Variants in RNGTT observed in about 807,000 individuals in gnomAD.
The protein encoded by RNGTT is mRNA-capping enzyme.
RNGTT carries 33 observed loss-of-function variants against 79.3 expected under a neutral mutation model. The observed-to-expected ratio is 0.42, with a 90% CI of 0.32 to 0.56. The LOEUF is 0.56. Among genes scored for constraint, RNGTT ranks in the 20% least tolerant of loss-of-function variants. RNGTT has a pLI of 0.17. For missense variants in RNGTT, 497 were observed against 739.1 expected, an observed-to-expected ratio of 0.67 and a Z score of 3.80; for synonymous variants, 222 against 235.9, an observed-to-expected ratio of 0.94 and a Z score of 0.54.
chr6:88,845,550 A>G (rs980378604), intron 10 of RNGTT, among the ~76,000 whole-genome samples: 1 of 152,202 alleles, frequency 6.6e-6, no homozygotes, highest in African/African-American at 2.4e-5. Flanking sequence ...ACACACCTTA[A>G]GTGCATTTTT....
At chr6:88,837,389 C>T (rs1781116377) in intron 11 of RNGTT, among the ~76,000 whole-genome samples, 1 of 151,946 alleles carries the variant, frequency 6.6e-6, no homozygotes, top group Non-Finnish European at 1.5e-5. Context: ...AGAGCAAGGC[C>T]CTGTCTTAAA....
At chr6:88,773,968 C>A (rs1427940237) in intron 12 of RNGTT, among the ~76,000 whole-genome samples, 1 of 151,988 alleles carries the variant, frequency 6.6e-6, no homozygotes, top group African/African-American at 2.4e-5. Flanking sequence ...TGGGCTTAAT[C>A]AAAATTAAAA....
At chr6:88,896,950 C>A (rs1329910295) in intron 6 of RNGTT, among the ~76,000 whole-genome samples, 1 of 152,158 alleles carries the variant, frequency 6.6e-6, no homozygotes, top group East Asian at 1.9e-4. Context: ...ACATCCTGCT[C>A]CATGGCACTA....
chr6:88,852,349 C>A (rs1195325481), intron 9 of RNGTT, among the ~76,000 whole-genome samples: 1 of 152,058 alleles, frequency 6.6e-6, no homozygotes, highest in Non-Finnish European at 1.5e-5. Flanking sequence ...TTACTTAAGT[C>A]TTTTCCTTTC....
At chr6:88,922,702 T>TA (rs1188574656) in intron 4 of RNGTT, among the ~76,000 whole-genome samples, 2 of 152,088 alleles carry the variant, frequency 1.3e-5, no homozygotes, top group Admixed American at 1.3e-4. Context: ...TAATTTTTTG[T>TA]ATTTTTTTAT....
intron 8 of RNGTT, among the ~76,000 whole-genome samples, chr6:88,873,112 A>G (rs1782407632): frequency 6.6e-6 from 1 of 152,184 alleles, no homozygotes; most frequent in Non-Finnish European, 1.5e-5. Flanking sequence ...AACTGAACCA[A>G]ATGGGTAGTG....
chr6:88,802,506 T>C (rs1178002982), intron 11 of RNGTT, among the ~76,000 whole-genome samples: 4 of 152,220 alleles, frequency 2.6e-5, no homozygotes, highest in Non-Finnish European at 5.9e-5. Flanking sequence ...CATGAATTTC[T>C]GCATTTTGGG....
intron 14 of RNGTT, among the ~76,000 whole-genome samples, chr6:88,620,272 C>G (rs1772394956): frequency 6.6e-6 from 1 of 152,196 alleles, no homozygotes; most frequent in Admixed American, 6.5e-5. Context: ...GCAGCTATAA[C>G]TCTACCTTAT....
intron 1 of RNGTT, 152 bp downstream of exon 1, chr6:88,963,194 C>CCAAA (rs113191249): frequency 0.088 from 62,030 of 702,172 alleles, 6,258 homozygotes; most frequent in African/African-American, 0.42. Context: ...GTTCATGTTC[C>CCAAA]CATTCATCCA....
chr6:88,716,167 G>C (rs1372439697), intron 13 of RNGTT, among the ~76,000 whole-genome samples: 1 of 151,990 alleles, frequency 6.6e-6, no homozygotes, highest in Non-Finnish European at 1.5e-5. Flanking sequence ...GATATGAACA[G>C]ACATTTCTCA....
chr6:88,711,483 C>CA (rs1776316609), intron 13 of RNGTT, among the ~76,000 whole-genome samples: 1 of 152,170 alleles, frequency 6.6e-6, no homozygotes, highest in African/African-American at 2.4e-5. Context: ...TAGTACTTTA[C>CA]AGTTATATAG....
intron 4 of RNGTT, among the ~76,000 whole-genome samples, chr6:88,909,837 C>A (rs910568219): frequency 5.3e-5 from 8 of 152,024 alleles, no homozygotes; most frequent in African/African-American, 1.9e-4. Flanking sequence ...GCCTGTGAAA[C>A]CCTCATAGAA....
chr6:88,755,936 G>T (rs1777997565), intron 13 of RNGTT, among the ~76,000 whole-genome samples: 1 of 130,164 alleles, frequency 7.7e-6, no homozygotes, highest in Non-Finnish European at 1.5e-5. Flanking sequence ...CTCCAGCCTG[G>T]CCAACAGAGT....
intron 4 of RNGTT, among the ~76,000 whole-genome samples, chr6:88,928,193 T>C (rs896199392): frequency 6.6e-6 from 1 of 152,002 alleles, no homozygotes. Flanking sequence ...GCCCGGGCGA[T>C]ACAGCAAGAC....
Position 88,891,912 on chromosome 6 carries a change from C to T in RNGTT, c.688G>A (p.Ala230Thr), listed in dbSNP as rs777686782. Residue 230 changes from alanine to threonine, a missense_variant, in exon 7 of 16, where the codon GCT becomes ACT. Coordinates refer to ENST00000369485, the MANE Select transcript of RNGTT (RefSeq NM_003800.5). ...KRRKERLKLG[A>T]IFLEGVTVKG... Reference sequence around the variant, plus strand: ...ACAGTAACACCTTCCAAGAAAATAGCGCCCTTTAAAAAAAAAATAAGAAAA... The same window carrying T: ...ACAGTAACACCTTCCAAGAAAATAGTGCCCTTTAAAAAAAAAATAAGAAAA... The T allele has an allele frequency of 5.9e-6, 9 of 1,531,412 alleles. No homozygotes were observed. Among genetic ancestry groups the T allele is most frequent in the African/African-American group, 2.9e-5 (2 of 69,880 alleles). 94.9% of individuals were successfully genotyped at this position (1,531,412 alleles called of 1,614,324 possible). A position where few individuals can be genotyped will look rare whatever the true frequency, so the allele number is the denominator to read the frequency against.
chr6:88,924,068 G>C (rs1252904196), intron 4 of RNGTT, among the ~76,000 whole-genome samples: 1 of 152,144 alleles, frequency 6.6e-6, no homozygotes, highest in Non-Finnish European at 1.5e-5. Context: ...AATGCTGGGG[G>C]GCTCCATCCA....
chr6:88,753,275 C>A (rs924766038), intron 13 of RNGTT, among the ~76,000 whole-genome samples: 1 of 152,094 alleles, frequency 6.6e-6, no homozygotes, highest in African/African-American at 2.4e-5. Context: ...GAGGTTGAGG[C>A]AGGAGGACTG....
At chr6:88,803,806 A>G (rs1779870626) in intron 11 of RNGTT, among the ~76,000 whole-genome samples, 2 of 152,144 alleles carry the variant, frequency 1.3e-5, no homozygotes. Context: ...GTAATGGACC[A>G]TGCCTGTATG....
intron 14 of RNGTT, among the ~76,000 whole-genome samples, chr6:88,645,119 C>CA (rs1773492024): frequency 6.6e-6 from 1 of 152,156 alleles, no homozygotes; most frequent in Non-Finnish European, 1.5e-5. Flanking sequence ...GTCTTCAGCC[C>CA]AAAATCTCCT....
Sources: allele counts gnomAD v4.1 joint callset (sites outside exome capture counted in the v4.1 genomes callset), GRCh38; gene constraint gnomAD v4.1.1; transcripts MANE v1.5; gene names NCBI Gene and HGNC (gene_info 2026-07-23, HGNC 2026-07-21).